The following SIPA1L3 variants were observed in gnomAD, a reference collection of about 807,000 sequenced individuals.
SIPA1L3 encodes signal induced proliferation associated 1 like 3.
SIPA1L3 carries 59 observed loss-of-function variants against 150.1 expected under a neutral mutation model. The ratio of observed to expected loss-of-function variants is 0.39; its 90% CI spans 0.32 to 0.49. SIPA1L3 has a LOEUF of 0.49. SIPA1L3 is among the 20% of genes least tolerant of loss of function. The pLI, the probability that SIPA1L3 is intolerant of heterozygous loss-of-function variation, is 0.86. For synonymous variants in SIPA1L3, 1,070 were observed against 1,077.6 expected, an observed-to-expected ratio of 0.99 and a Z score of 0.14; for missense variants, 2,211 against 2,489.5, an observed-to-expected ratio of 0.89 and a Z score of 2.38.
chr19:38,065,947 T>TTATC (rs1265213282), intron 2 of SIPA1L3, among the ~76,000 whole-genome samples: 1 of 146,844 alleles, frequency 6.8e-6, no homozygotes. Context: ...ATTTATTTAT[T>TTATC]TTTGAGGCAA....
At chr19:38,123,913 G>A (rs1291478636) in intron 9 of SIPA1L3, among the ~76,000 whole-genome samples, 1 of 143,982 alleles carries the variant, frequency 6.9e-6, no homozygotes, top group Non-Finnish European at 1.5e-5. Context: ...TTCCCAGTAG[G>A]GGCGGCCGGG....
At chr19:37,977,676 G>T (rs1390135358) in intron 1 of SIPA1L3, among the ~76,000 whole-genome samples, 2 of 152,086 alleles carry the variant, frequency 1.3e-5, no homozygotes, top group African/African-American at 4.8e-5. Flanking sequence ...AGAGACTCCA[G>T]GCTCCAGGCA....
In SIPA1L3 at chr19:38,153,025, A is replaced by T. The variant is rs536386038; in HGVS notation, c.3661+58A>T. On this transcript the variant is annotated intron_variant, in intron 13 of 21. Transcript: ENST00000222345. The stretch of plus-strand genomic sequence containing the variant: ...CCTGCCTCACTCCGCAGGACCTCTT[A>T]CTTAGAGCTTGACAGGCAACACTCC... The T allele has an allele frequency of 5.2e-5, 81 of 1,569,726 alleles. 1 individual carries two copies. In the South Asian group the frequency reaches 9.2e-4, roughly 18 times the overall value.
At chr19:38,065,290 G>T (rs1020688980) in intron 2 of SIPA1L3, among the ~76,000 whole-genome samples, 1 of 152,038 alleles carries the variant, frequency 6.6e-6, no homozygotes, top group Non-Finnish European at 1.5e-5. Flanking sequence ...GACTCCATGG[G>T]CCCTCAAGTA....
chr19:37,982,812 C>T (rs1050901414), intron 1 of SIPA1L3, among the ~76,000 whole-genome samples: 1 of 152,144 alleles, frequency 6.6e-6, no homozygotes, highest in African/African-American at 2.4e-5. Flanking sequence ...ACAACCTGGG[C>T]TTTCCCGGTG....
intron 7 of SIPA1L3, among the ~76,000 whole-genome samples, chr19:38,109,145 A>T (rs1970685974): frequency 6.6e-6 from 1 of 152,176 alleles, no homozygotes; most frequent in Admixed American, 6.5e-5. Flanking sequence ...GCTAATGAAG[A>T]TTTACCCAAG....
intron 1 of SIPA1L3, among the ~76,000 whole-genome samples, chr19:38,023,713 C>T (rs893349730): frequency 6.6e-6 from 1 of 152,212 alleles, no homozygotes; most frequent in Non-Finnish European, 1.5e-5. Flanking sequence ...GGGTTTGGTT[C>T]TTCCAGACCA....
At chr19:38,194,666 G>A (rs1341509540) in intron 18 of SIPA1L3, among the ~76,000 whole-genome samples, 1 of 152,228 alleles carries the variant, frequency 6.6e-6, no homozygotes, top group Non-Finnish European at 1.5e-5. Context: ...GCCTGCCTGT[G>A]CCATCTGTAC....
At chr19:38,130,391 T>G (rs1217686294) in intron 9 of SIPA1L3, 107 bp from the exon 10 acceptor site, 11 of 1,151,324 alleles carry the variant, frequency 9.6e-6, no homozygotes, top group Middle Eastern at 3.0e-4. Flanking sequence ...TATTAATAGA[T>G]GGGAGTTGGC....
At chr19:38,056,228 A>T (rs1328126066) in intron 2 of SIPA1L3, among the ~76,000 whole-genome samples, 1 of 151,964 alleles carries the variant, frequency 6.6e-6, no homozygotes, top group Non-Finnish European at 1.5e-5. Context: ...GGGCTAGGCC[A>T]CTCTTGCCCC....
chr19:37,984,439 C>T (rs1967291669), intron 1 of SIPA1L3, among the ~76,000 whole-genome samples: 1 of 152,022 alleles, frequency 6.6e-6, no homozygotes, highest in African/African-American at 2.4e-5. Context: ...ATGCTGAAAG[C>T]TCACAACGAG....
Position 38,046,771 on chromosome 19 carries a change from C to T in SIPA1L3, c.-311+17615C>T, listed in dbSNP as rs1969069975. Among the ~76,000 whole-genome samples the T allele has an allele frequency of 6.6e-6, 1 of 152,232 alleles. No individual in the cohort carries two copies. The highest frequency in any genetic ancestry group is 2.1e-4 in the South Asian group (1 of 4,834). On this transcript the variant is annotated intron_variant, in intron 2 of 21. Coordinates refer to ENST00000222345, the MANE Select transcript of SIPA1L3 (RefSeq NM_015073.3). This position sits in a 1 kb window ranked among gnomAD's most constrained non-coding sequence, Gnocchi z 5.6. ...GTGCCCGAGTGGCGTCTGTCAGTTG[C>T]TCAGTAAGTGGAGGGCTTTGCTGTC...
rs1304295697 is a variant in SIPA1L3, at chr19:38,047,969, A to C, written c.-311+18813A>C. Among the ~76,000 whole-genome samples the C allele has an allele frequency of 6.6e-6, 1 of 152,148 alleles. No individual in the cohort carries two copies. Among genetic ancestry groups the C allele is most frequent in the Admixed American group, 6.5e-5 (1 of 15,272 alleles). ...TCCACTGTGGTAAAGGATGTGAGGG[A>C]AACAGTGACCCACTGCAGAGGGTTT... On this transcript the variant is annotated intron_variant, in intron 2 of 21. Transcript: ENST00000222345. The surrounding 1 kb of genome is among the most constrained non-coding windows in gnomAD (Gnocchi z 4.7).
intron 1 of SIPA1L3, among the ~76,000 whole-genome samples, chr19:37,953,093 G>A (rs1006105006): frequency 2.6e-5 from 4 of 151,850 alleles, no homozygotes; most frequent in South Asian, 4.1e-4. Context: ...GCGTGGTGGC[G>A]GAGGCCTGTA....
At chr19:37,968,943 A>G (rs1306720214) in intron 1 of SIPA1L3, among the ~76,000 whole-genome samples, 1 of 152,230 alleles carries the variant, frequency 6.6e-6, no homozygotes, top group African/African-American at 2.4e-5. Context: ...CCCCATTGAC[A>G]CATCATGTCC....
chr19:38,204,208 G>C lies in SIPA1L3; in HGVS notation c.5202G>C (p.Lys1734Asn). ...AACAGCTGCACACTGACCTGCAGAA[G>C]GTAAGGCCGGGGGCCACGCCCTCTC... ...MLKQLHTDLQ[K>N]EKQDKVVLQS... Residue 1734 changes from lysine (K) to asparagine (N), a missense_variant and splice_region_variant, in exon 21 of 22, where the codon AAG becomes AAC. Lys to Asn is a moderately conservative substitution (Grantham distance 94, BLOSUM62 0). Transcript: ENST00000222345. The C allele has an allele frequency of 6.4e-7, 1 of 1,553,738 alleles. No homozygotes were observed.
chr19:38,105,038 C>T (rs987108938), intron 6 of SIPA1L3, among the ~76,000 whole-genome samples: 10 of 152,008 alleles, frequency 6.6e-5, no homozygotes, highest in Non-Finnish European at 1.2e-4. Flanking sequence ...CCGCCAGACA[C>T]TGAGGCAGCA....
chr19:37,977,750 T>A (rs1967109788), intron 1 of SIPA1L3, among the ~76,000 whole-genome samples: 1 of 152,208 alleles, frequency 6.6e-6, no homozygotes, highest in African/African-American at 2.4e-5. Flanking sequence ...GTTACTTCCC[T>A]GCTTTGTGCC....
intron 4 of SIPA1L3, among the ~76,000 whole-genome samples, chr19:38,098,392 A>ATTTTTTTT (rs71179411): frequency 4.4e-5 from 5 of 113,696 alleles, no homozygotes; most frequent in Non-Finnish European, 8.9e-5. Flanking sequence ...AGGGGCTTTC[A>ATTTTTTTT]TTTTTTTTTT....
Sources: allele counts gnomAD v4.1 joint callset (sites outside exome capture counted in the v4.1 genomes callset), GRCh38; gene constraint gnomAD v4.1.1; non-coding constraint Gnocchi (gnomAD v3.1); transcripts MANE v1.5; gene names NCBI Gene and HGNC (gene_info 2026-07-23, HGNC 2026-07-21).